Variants in EFNA5 observed in about 807,000 individuals in gnomAD.
The protein encoded by EFNA5 is ephrin-A5.
EFNA5 carries 5 observed loss-of-function variants against 22.9 expected under a neutral mutation model. The observed-to-expected ratio is 0.22, with a 90% CI of 0.11 to 0.46. EFNA5 has a LOEUF of 0.46. Among genes scored for constraint, EFNA5 ranks in the 20% least tolerant of loss-of-function variants. The pLI is 0.99. For missense variants in EFNA5, 237 were observed against 293.3 expected, an observed-to-expected ratio of 0.81 and a Z score of 1.40; for synonymous variants, 113 against 112.2, an observed-to-expected ratio of 1.01 and a Z score of -0.04.
At chr5:107,439,304 C>T (rs1167398255) in intron 1 of EFNA5, among the ~76,000 whole-genome samples, 2 of 152,126 alleles carry the variant, frequency 1.3e-5, no homozygotes, top group Non-Finnish European at 2.9e-5. Context: ...TCTGCTAGAC[C>T]TTGGTCTGGG....
intron 1 of EFNA5, among the ~76,000 whole-genome samples, chr5:107,546,439 C>T (rs1261427923): frequency 6.6e-6 from 1 of 152,226 alleles, no homozygotes; most frequent in Non-Finnish European, 1.5e-5. Flanking sequence ...ATGCTTCCAA[C>T]AGGAACACTA....
intron 2 of EFNA5, among the ~76,000 whole-genome samples, chr5:107,399,555 C>T (rs1423643666): frequency 6.6e-6 from 1 of 152,152 alleles, no homozygotes; most frequent in Non-Finnish European, 1.5e-5. Flanking sequence ...AGATTAGAAT[C>T]CAAGTGACCA....
At chr5:107,387,189 G>T in intron 4 of EFNA5, 46 bp downstream of exon 4, 1 of 1,350,338 alleles carries the variant, frequency 7.4e-7, no homozygotes, top group South Asian at 1.3e-5. Flanking sequence ...GGAAGCACCA[G>T]AGAAATAGAT....
chr5:107,388,309 A>G (rs958294212), intron 2 of EFNA5, among the ~76,000 whole-genome samples: 4 of 152,206 alleles, frequency 2.6e-5, no homozygotes, highest in African/African-American at 7.2e-5. Context: ...AGGTAATTCA[A>G]TTAGAGGTTT....
chr5:107,379,943 TC>T lies in EFNA5; in HGVS notation c.*1311del, dbSNP rs1747391303. The T allele has an allele frequency of 6.6e-6, 1 of 152,184 alleles. No homozygotes were observed. The highest frequency in any genetic ancestry group is 2.4e-5 in the African/African-American group (1 of 41,438). The allele number at this position is 152,184 out of a possible 1,614,324, so 9.4% of individuals were successfully genotyped here. A position where few individuals can be genotyped will look rare whatever the true frequency, so the allele number is the denominator to read the frequency against. ...TTTTGTTAAAGTCTTTGGGACTCCA[TC>T]TTGTTTATCTCCCACAGATAAACAC... is the stretch of plus-strand genomic sequence containing the variant. On this transcript the variant is annotated 3_prime_UTR_variant, in exon 5 of 5. Transcript: ENST00000333274.
Position 107,535,182 on chromosome 5 carries a change from A to G in EFNA5, c.126-107673T>C, listed in dbSNP as rs559764411. Among the ~76,000 whole-genome samples the G allele has an allele frequency of 3.9e-5, 6 of 152,332 alleles. No homozygotes were observed. In the East Asian group the frequency reaches 1.2e-3, roughly 29 times the overall value. ...ATTCAACAGCGGTGGGTACCTAGGTAGGTAGACAGAGGACTGCAGACTTAG... is the reference window on the plus strand; with the variant it reads ...ATTCAACAGCGGTGGGTACCTAGGTGGGTAGACAGAGGACTGCAGACTTAG... On this transcript the variant is annotated intron_variant, in intron 1 of 4. Coordinates refer to ENST00000333274, the MANE Select transcript of EFNA5 (RefSeq NM_001962.3).
chr5:107,458,076 G>A (rs565124039), intron 1 of EFNA5, among the ~76,000 whole-genome samples: 33 of 152,204 alleles, frequency 2.2e-4, no homozygotes, highest in Non-Finnish European at 3.5e-4. Flanking sequence ...TCTACTATAC[G>A]TTGATCATAT....
At position 107,527,607 on chromosome 5, in the gene EFNA5, C is replaced by G. The variant is rs558342573; in HGVS notation, c.126-100098G>C. Among the ~76,000 whole-genome samples the G allele has an allele frequency of 1.4e-4, 22 of 152,198 alleles. No homozygotes were observed. The South Asian group carries it at 4.4e-3, about 30-fold the overall frequency. ...GCCTAAAACAACGTTTAAGGTTCAT[C>G]TAGATTGGGGTGTGTGTTAGGGGAA... On this transcript the variant is annotated intron_variant, in intron 1 of 4. Coordinates refer to ENST00000333274, the MANE Select transcript of EFNA5 (RefSeq NM_001962.3).
At chr5:107,513,857 G>A (rs1056953631) in intron 1 of EFNA5, among the ~76,000 whole-genome samples, 44 of 152,100 alleles carry the variant, frequency 2.9e-4, no homozygotes, top group African/African-American at 1.0e-3. Context: ...AGAGGGGAGA[G>A]GAAATAAGTG....
At chr5:107,492,854 C>T (rs962740369) in intron 1 of EFNA5, among the ~76,000 whole-genome samples, 7 of 151,102 alleles carry the variant, frequency 4.6e-5, no homozygotes, top group African/African-American at 1.7e-4. Context: ...CAAAAATTAG[C>T]AGAGTGTGGT....
At chr5:107,533,423 T>G (rs1455492857) in intron 1 of EFNA5, among the ~76,000 whole-genome samples, 1 of 152,156 alleles carries the variant, frequency 6.6e-6, no homozygotes, top group East Asian at 1.9e-4. Context: ...AAAGAGGTAA[T>G]CCACTCCTGA....
At chr5:107,597,435 T>TC (rs1338688098) in intron 1 of EFNA5, among the ~76,000 whole-genome samples, 1 of 152,170 alleles carries the variant, frequency 6.6e-6, no homozygotes, top group African/African-American at 2.4e-5. Context: ...CACTGACCCA[T>TC]CACCACAAAA....
At chr5:107,636,060 T>C (rs892920598) in intron 1 of EFNA5, among the ~76,000 whole-genome samples, 5 of 152,224 alleles carry the variant, frequency 3.3e-5, no homozygotes, top group Admixed American at 3.3e-4. Flanking sequence ...ATATTCTGCA[T>C]GCTATAACTG....
intron 1 of EFNA5, among the ~76,000 whole-genome samples, chr5:107,585,694 T>C (rs987085755): frequency 6.6e-6 from 1 of 152,042 alleles, no homozygotes; most frequent in African/African-American, 2.4e-5. Flanking sequence ...TTTATTGAAT[T>C]AGTAAATCCT....
chr5:107,532,265 G>C (rs1027144199), intron 1 of EFNA5, among the ~76,000 whole-genome samples: 5 of 152,216 alleles, frequency 3.3e-5, no homozygotes, highest in African/African-American at 1.2e-4. Flanking sequence ...TTGACTAAAG[G>C]TGAATGGCCT....
chr5:107,426,604 A>G (rs1462377375), intron 2 of EFNA5, among the ~76,000 whole-genome samples: 8 of 152,230 alleles, frequency 5.3e-5, no homozygotes, highest in Non-Finnish European at 1.0e-4. Flanking sequence ...AAAGTTTTAG[A>G]GCTCTCCCAG....
intron 1 of EFNA5, among the ~76,000 whole-genome samples, chr5:107,486,858 TAG>T (rs1746636024): frequency 6.6e-6 from 1 of 152,190 alleles, no homozygotes; most frequent in Admixed American, 6.5e-5. Flanking sequence ...AGGGAGGAGC[TAG>T]AGAAAGTTAC....
intron 1 of EFNA5, among the ~76,000 whole-genome samples, chr5:107,472,192 A>C (rs1750159696): frequency 6.6e-6 from 1 of 152,186 alleles, no homozygotes; most frequent in African/African-American, 2.4e-5. Flanking sequence ...TTGGGGGCTA[A>C]TTTAACCTAC....
At chr5:107,403,570 A>T (rs1748139781) in intron 2 of EFNA5, among the ~76,000 whole-genome samples, 1 of 152,252 alleles carries the variant, frequency 6.6e-6, no homozygotes, top group South Asian at 2.1e-4. Flanking sequence ...CAGTTTCACA[A>T]TAATAAAATA....
Sources: allele counts gnomAD v4.1 joint callset (sites outside exome capture counted in the v4.1 genomes callset), GRCh38; gene constraint gnomAD v4.1.1; transcripts MANE v1.5; gene names NCBI Gene and HGNC (gene_info 2026-07-23, HGNC 2026-07-21).